ADGRA3: variants seen among roughly 807,000 people sequenced by gnomAD.
The protein encoded by ADGRA3 is adhesion G protein-coupled receptor A3, also known as G-protein coupled receptor 125.
In ADGRA3, 56 loss-of-function variants were observed where a neutral mutation model predicts 119.8. The observed-to-expected ratio is 0.47, with a 90% CI of 0.38 to 0.58. The LOEUF is 0.58. Ranked by LOEUF, ADGRA3 falls within the 20% of genes least tolerant of loss-of-function variation. The pLI is 0.00. For missense variants in ADGRA3, 1,516 were observed against 1,649.0 expected, an observed-to-expected ratio of 0.92 and a Z score of 1.40; for synonymous variants, 607 against 623.8, an observed-to-expected ratio of 0.97 and a Z score of 0.40.
intron 1 of ADGRA3, among the ~76,000 whole-genome samples, chr4:22,500,458 G>A (rs1719014204): frequency 8.6e-6 from 1 of 116,540 alleles, no homozygotes; most frequent in South Asian, 3.5e-4. Flanking sequence ...TTCCAACGTT[G>A]GTTGTTATTA....
At chr4:22,486,086 G>A (rs1179691658) in intron 1 of ADGRA3, among the ~76,000 whole-genome samples, 3 of 152,094 alleles carry the variant, frequency 2.0e-5, no homozygotes, top group Non-Finnish European at 4.4e-5. Context: ...GTGGAGTTTC[G>A]CCATCAATCT....
rs775387546 is a variant in ADGRA3, at chr4:22,388,800, C to A, written c.2871G>T (p.Glu957Asp). 1.9e-6 allele frequency: 3 copies of A among 1,614,074 alleles called. No individual in the cohort carries two copies. Among genetic ancestry groups the A allele is most frequent in the Non-Finnish European group, 2.5e-6 (3 of 1,179,980 alleles). ...CATTGGCTGCCAATCTCTGTTGCTC[C>A]TCCGTGGGCTCCTTAAGCTCATATT... is the stretch of plus-strand genomic sequence containing the variant. The part of the protein sequence containing the change: ...ERKYELKEPT[E>D]EQQRLAANEN... The change falls in exon 19 of 19, where the codon GAG becomes GAT. Residue 957 changes from glutamate (E) to aspartate (D), a missense_variant. By Grantham distance (45) the Glu-to-Asp change is conservative. Coordinates refer to ENST00000334304, the MANE Select transcript of ADGRA3 (RefSeq NM_145290.4).
intron 1 of ADGRA3, among the ~76,000 whole-genome samples, chr4:22,511,772 A>G (rs1317356160): frequency 6.6e-6 from 1 of 152,098 alleles, no homozygotes; most frequent in Non-Finnish European, 1.5e-5. Context: ...CCAACTGCAC[A>G]GCAGCATAAC....
intron 17 of ADGRA3, among the ~76,000 whole-genome samples, chr4:22,390,350 ATATATATATAATACGTAT>A (rs770962932): frequency 0.063 from 7,474 of 119,312 alleles, 488 homozygotes; most frequent in Middle Eastern, 0.12. Context: ...AATACATATT[ATATATATATAATACGTAT>A]TATATATATA....
chr4:22,443,650 G>A (rs561156613), intron 6 of ADGRA3, among the ~76,000 whole-genome samples: 1 of 152,018 alleles, frequency 6.6e-6, no homozygotes, highest in East Asian at 1.9e-4. Flanking sequence ...GAATTGATAT[G>A]CATCTATTTT....
At position 22,398,463 on chromosome 4, in the gene ADGRA3, A is replaced by G. The variant is rs1714463641; in HGVS notation, c.2481+2968T>C. 2.0e-5 allele frequency among the ~76,000 whole-genome samples: 3 copies of G among 152,286 alleles called. No homozygotes were observed. The South Asian group carries it at 6.2e-4, about 32-fold the overall frequency. On this transcript the variant is annotated intron_variant, in intron 16 of 18. Coordinates refer to ENST00000334304, the MANE Select transcript of ADGRA3 (RefSeq NM_145290.4). ...CAAGACACAAGGTAGGACCTTGTCA[A>G]TAATCTGTTATCTAATCATATGACC...
intron 3 of ADGRA3, among the ~76,000 whole-genome samples, chr4:22,458,576 G>T (rs16872676): frequency 2.6e-5 from 4 of 152,064 alleles, no homozygotes; most frequent in Non-Finnish European, 4.4e-5. Context: ...TGGGCTCACA[G>T]GATGAACTTC....
Position 22,454,939 on chromosome 4 carries a change from TA to T in ADGRA3, c.402-3del. ...CCTATTCGATTGTTTGTCAGATCCC[TA>T]AGGAGAAGGGTGGAAAAGTGTCTTC... is the stretch of plus-strand genomic sequence containing the variant. On this transcript the variant is annotated splice_region_variant and splice_polypyrimidine_tract_variant and intron_variant, in intron 3 of 18. Transcript: ENST00000334304. The T allele has an allele frequency of 6.2e-7, 1 of 1,611,424 alleles. No individual in the cohort carries two copies. Among genetic ancestry groups the T allele is most frequent in the Non-Finnish European group, 8.5e-7 (1 of 1,177,540 alleles).
At chr4:22,485,487 T>G (rs1718406814) in intron 1 of ADGRA3, among the ~76,000 whole-genome samples, 1 of 152,160 alleles carries the variant, frequency 6.6e-6, no homozygotes, top group South Asian at 2.1e-4. Context: ...GACTATGAAT[T>G]AGAATTTTCC....
chr4:22,407,660 A>G (rs1269878055), intron 14 of ADGRA3, among the ~76,000 whole-genome samples: 1 of 152,218 alleles, frequency 6.6e-6, no homozygotes, highest in Non-Finnish European at 1.5e-5. Context: ...AGTTCTCCAC[A>G]GAAGTTAGCT....
chr4:22,448,499 A>G (rs28726245), intron 4 of ADGRA3, among the ~76,000 whole-genome samples: 20,964 of 152,208 alleles, frequency 0.14, 1,513 homozygotes, highest in South Asian at 0.23. Flanking sequence ...ATAGAAATCC[A>G]GAGTCCTGCA....
chr4:22,402,530 T>G, intron 15 of ADGRA3, 145 bp downstream of exon 15: 6 of 721,886 alleles, frequency 8.3e-6, no homozygotes, highest in Non-Finnish European at 1.3e-5. Context: ...TGGCATGAAA[T>G]GAAGGCATGT....
At chr4:22,512,559 G>C (rs575666415) in intron 1 of ADGRA3, among the ~76,000 whole-genome samples, 79 of 152,238 alleles carry the variant, frequency 5.2e-4, no homozygotes, top group Non-Finnish European at 8.4e-4. Context: ...TGGACCTAGG[G>C]TGGACCCTAA....
chr4:22,446,773 C>A (rs928918735), intron 5 of ADGRA3, among the ~76,000 whole-genome samples: 3 of 152,092 alleles, frequency 2.0e-5, no homozygotes, highest in African/African-American at 7.2e-5. Flanking sequence ...ACAATGAAAA[C>A]CTGAACAACA....
At chr4:22,445,666 G>C (rs998779290) in intron 5 of ADGRA3, among the ~76,000 whole-genome samples, 2 of 152,104 alleles carry the variant, frequency 1.3e-5, no homozygotes, top group Non-Finnish European at 2.9e-5. Flanking sequence ...AACTTCCCTA[G>C]GGTAGGGACT....
At chr4:22,495,709 T>A (rs1257749324) in intron 1 of ADGRA3, among the ~76,000 whole-genome samples, 1 of 150,424 alleles carries the variant, frequency 6.6e-6, no homozygotes, top group East Asian at 2.0e-4. Context: ...GAGATCGAGA[T>A]CATCCTGGCT....
rs898777371 is a variant in ADGRA3, at chr4:22,505,432, G to A, written c.257+10096C>T. 5.3e-5 allele frequency among the ~76,000 whole-genome samples: 8 copies of A among 151,806 alleles called. No homozygotes were observed. The South Asian group carries it at 1.0e-3, about 20-fold the overall frequency. ...AGTGCTTTGGGCAGCTGAGGTGGGCGGATCATTTGAGGGAAACCAACCTGG... is the reference window on the plus strand; with the variant it reads ...AGTGCTTTGGGCAGCTGAGGTGGGCAGATCATTTGAGGGAAACCAACCTGG... On this transcript the variant is annotated intron_variant, in intron 1 of 18. Coordinates refer to ENST00000334304, the MANE Select transcript of ADGRA3 (RefSeq NM_145290.4).
intron 11 of ADGRA3, among the ~76,000 whole-genome samples, chr4:22,422,361 G>A (rs1715740011): frequency 6.6e-6 from 1 of 152,178 alleles, no homozygotes; most frequent in Admixed American, 6.5e-5. Context: ...TCTTATGCAT[G>A]TGAGAGAAAA....
rs1398548487 is a variant in ADGRA3 at position 22,445,121 on chromosome 4, A to C, written c.558T>G (p.Thr186=). 2 of 1,613,610 alleles carry C rather than the reference A, an allele frequency of 1.2e-6. No homozygotes were observed. The highest frequency in any genetic ancestry group is 2.2e-5 in the South Asian group (2 of 91,060). ...TGTTACAGTCACACAAAAGATACTC[A>C]GTCTGGAATTCCCTGTAACATGCAA... The part of the protein sequence containing the change: ...LASLRSLEFQ[T]EYLLCDCNIL... The change falls in exon 6 of 19, where the codon ACT becomes ACG. Residue 186 remains threonine (T), a synonymous_variant. Transcript: ENST00000334304.
Sources: allele counts gnomAD v4.1 joint callset (sites outside exome capture counted in the v4.1 genomes callset), GRCh38; gene constraint gnomAD v4.1.1; transcripts MANE v1.5; gene names NCBI Gene and HGNC (gene_info 2026-07-23, HGNC 2026-07-21).